Variants in SERPINI1 observed in about 807,000 individuals in gnomAD.
SERPINI1 encodes the protein neuroserpin.
SERPINI1 carries 19 observed loss-of-function variants against 41.1 expected under a neutral mutation model. That is an observed-to-expected ratio of 0.46 (90% CI 0.32 to 0.68). The LOEUF (loss-of-function observed/expected upper bound fraction) is 0.68, where lower values mean the gene tolerates loss of function less well. SERPINI1 is among the 30% of genes least tolerant of loss of function. The probability of loss-of-function intolerance (pLI) is 0.03; values close to 1 mark genes in which losing one functional copy is unlikely to be tolerated. For missense variants in SERPINI1, 460 were observed against 479.2 expected (o/e 0.96, Z 0.37); for synonymous variants, 138 against 156.6 (o/e 0.88, Z 0.89).
intron 5 of SERPINI1, among the ~76,000 whole-genome samples, chr3:167,797,652 A>G (rs1453512793): frequency 6.6e-6 from 1 of 152,060 alleles, no homozygotes; most frequent in African/African-American, 2.4e-5. Context: ...TTTAGCATGC[A>G]TAACTTTCTG....
chr3:167,741,917 CT>C (rs1466446505), intron 1 of SERPINI1, among the ~76,000 whole-genome samples: 2 of 150,308 alleles, frequency 1.3e-5, no homozygotes, highest in Non-Finnish European at 2.9e-5. Flanking sequence ...AATTACGAAA[CT>C]TTTAAAAAAA....
At chr3:167,751,680 A>G (rs1488137178) in intron 1 of SERPINI1, among the ~76,000 whole-genome samples, 4 of 151,962 alleles carry the variant, frequency 2.6e-5, no homozygotes, top group African/African-American at 7.3e-5. Flanking sequence ...CAGGCTGTCA[A>G]CTCAACTGTC....
At chr3:167,799,413 G>T (rs1446514935) in intron 5 of SERPINI1, among the ~76,000 whole-genome samples, 1 of 152,166 alleles carries the variant, frequency 6.6e-6, no homozygotes, top group Non-Finnish European at 1.5e-5. Context: ...TGGTATATAT[G>T]TGCCACATTT....
At chr3:167,810,241 C>A (rs147836897) in intron 6 of SERPINI1, among the ~76,000 whole-genome samples, 3 of 152,142 alleles carry the variant, frequency 2.0e-5, no homozygotes, top group Non-Finnish European at 4.4e-5. Context: ...CTCCAAATAA[C>A]ATAACCTTGA....
At chr3:167,739,862 C>A (rs1009917090) in intron 1 of SERPINI1, among the ~76,000 whole-genome samples, 53 of 152,022 alleles carry the variant, frequency 3.5e-4, no homozygotes, top group African/African-American at 1.3e-3. Flanking sequence ...ATTTTTACTT[C>A]ATTATGATAA....
chr3:167,825,306 G>C lies in SERPINI1; in HGVS notation c.1216G>C (p.Asp406His). The change falls in exon 9 of 9, where the codon GAT (aspartate) becomes CAT (histidine). Residue 406 changes from aspartate (D) to histidine (H), a missense_variant. Asp to His is a moderately conservative substitution (Grantham distance 81). Transcript: ENST00000446050. ...TGAAACAATGAACACAAGTGGACAT[G>C]ATTTCGAAGAACTTTAAGTTACTTT... ...HPETMNTSGHDFEEL is the reference protein window; with the variant it reads ...HPETMNTSGHHFEEL 6.2e-7 allele frequency: 1 copy of C among 1,611,588 alleles called. No individual in the cohort carries two copies. The highest frequency in any genetic ancestry group is 8.5e-7 in the Non-Finnish European group (1 of 1,177,774).
chr3:167,772,823 A>ACTCACTCTCTCTCT (rs1307269527), intron 1 of SERPINI1, among the ~76,000 whole-genome samples: 2 of 23,652 alleles, frequency 8.5e-5, no homozygotes, highest in African/African-American at 2.9e-4. Context: ...GTATCTTGAG[A>ACTCACTCTCTCTCT]CTCTCTCTCT....
intron 6 of SERPINI1, among the ~76,000 whole-genome samples, chr3:167,808,647 C>A (rs1711748448): frequency 6.6e-6 from 1 of 152,128 alleles, no homozygotes. Context: ...GTTTTCTTAG[C>A]CTGAAGCAGC....
intron 1 of SERPINI1, among the ~76,000 whole-genome samples, chr3:167,775,343 C>A (rs1303055344): frequency 1.3e-5 from 2 of 150,948 alleles, no homozygotes; most frequent in African/African-American, 4.9e-5. Context: ...CTCACTGCAA[C>A]CTCCGCCTCC....
At chr3:167,778,776 A>T (rs570751166) in intron 1 of SERPINI1, among the ~76,000 whole-genome samples, 1 of 152,324 alleles carries the variant, frequency 6.6e-6, no homozygotes, top group East Asian at 1.9e-4. Context: ...TCAGGCCCTT[A>T]CCATAATTCC....
intron 6 of SERPINI1, among the ~76,000 whole-genome samples, chr3:167,815,869 A>G (rs1366309893): frequency 2.0e-5 from 3 of 151,852 alleles, no homozygotes; most frequent in Middle Eastern, 3.2e-3. Flanking sequence ...AATAAATGCA[A>G]TAGCACTAGT....
In SERPINI1 at chr3:167,792,629, C is replaced by T. The variant is rs1307589619; in HGVS notation, c.521C>T (p.Ala174Val). 5 of 1,613,646 alleles carry T rather than the reference C, an allele frequency of 3.1e-6. No homozygotes were observed. In the South Asian group the frequency reaches 4.4e-5, roughly 14 times the overall value. Residue 174 changes from alanine to valine, a missense_variant, in exon 4 of 9, where the codon GCT becomes GTT. Ala to Val is a moderately conservative substitution (Grantham distance 64). Coordinates refer to ENST00000446050, the MANE Select transcript of SERPINI1 (RefSeq NM_001122752.2). ...KDLVSPRDFD[A>V]ATYLALINAV... Reference sequence around the variant, plus strand: ...TTGGTATCCCCAAGGGATTTTGATGCTGCCACTTATCTGGCCCTCATTAAT... The same window carrying T: ...TTGGTATCCCCAAGGGATTTTGATGTTGCCACTTATCTGGCCCTCATTAAT...
intron 1 of SERPINI1, among the ~76,000 whole-genome samples, chr3:167,788,373 AGTTT>A (rs1727381320): frequency 6.6e-6 from 1 of 152,194 alleles, no homozygotes; most frequent in African/African-American, 2.4e-5. Flanking sequence ...TAGAAACACC[AGTTT>A]GTTTGGTGTA....
At chr3:167,747,643 C>T (rs1277128128) in intron 1 of SERPINI1, among the ~76,000 whole-genome samples, 1 of 141,846 alleles carries the variant, frequency 7.0e-6, no homozygotes, top group Non-Finnish European at 1.6e-5. Flanking sequence ...GACTACGTCT[C>T]AAAACAACAA....
At chr3:167,798,768 A>G (rs1313394808) in intron 5 of SERPINI1, among the ~76,000 whole-genome samples, 1 of 152,130 alleles carries the variant, frequency 6.6e-6, no homozygotes, top group African/African-American at 2.4e-5. Context: ...TTTCTCACTT[A>G]TAAGTGGGAG....
At chr3:167,775,228 A>ATTG (rs1726926530) in intron 1 of SERPINI1, among the ~76,000 whole-genome samples, 1 of 28,212 alleles carries the variant, frequency 3.5e-5, no homozygotes, top group Non-Finnish European at 7.7e-5. Flanking sequence ...GTGTCACTTT[A>ATTG]TTATTATTAT....
At chr3:167,821,764 A>C (rs1370440387) in intron 6 of SERPINI1, among the ~76,000 whole-genome samples, 1 of 152,212 alleles carries the variant, frequency 6.6e-6, no homozygotes, top group Non-Finnish European at 1.5e-5. Context: ...TGTATGTGTA[A>C]ATATACAAAC....
chr3:167,756,510 A>G (rs1466560965), intron 1 of SERPINI1, among the ~76,000 whole-genome samples: 2 of 151,998 alleles, frequency 1.3e-5, no homozygotes, highest in African/African-American at 2.4e-5. Context: ...GAGTTTCACC[A>G]TGTTACTCAG....
At chr3:167,805,718 A>G (rs1334274583) in intron 5 of SERPINI1, among the ~76,000 whole-genome samples, 1 of 152,090 alleles carries the variant, frequency 6.6e-6, no homozygotes, top group Non-Finnish European at 1.5e-5. Flanking sequence ...ATTTTTGTAT[A>G]AGTTGTTAAG....
Sources: gnomAD v4.1 joint callset for allele counts (sites outside exome capture counted in the v4.1 genomes callset) on GRCh38, gnomAD v4.1.1 for gene constraint, MANE v1.5 for transcripts, NCBI Gene and HGNC (gene_info 2026-07-23, HGNC 2026-07-21) for gene names.